Variants in PLXDC2 observed in about 807,000 individuals in gnomAD.
PLXDC2 encodes plexin domain containing 2, also known as plexin domain-containing protein 2.
A neutral mutation model predicts 68.9 loss-of-function variants in PLXDC2; 40 were observed. The ratio of observed to expected loss-of-function variants is 0.58; its 90% confidence interval spans 0.45 to 0.76. PLXDC2 has a LOEUF of 0.76. Among genes scored for constraint, PLXDC2 ranks in the 30% least tolerant of loss-of-function variants. The probability of loss-of-function intolerance (pLI) is 0.00; values close to 1 mark genes in which losing one functional copy is unlikely to be tolerated. For missense variants in PLXDC2, 644 were observed against 661.9 expected, an observed-to-expected ratio of 0.97 and a Z score of 0.30; for synonymous variants, 243 against 234.2, an observed-to-expected ratio of 1.04 and a Z score of -0.34.
chr10:19,817,989 A>C (rs1194806564), intron 1 of PLXDC2, among the ~76,000 whole-genome samples: 6 of 152,030 alleles, frequency 3.9e-5, no homozygotes, highest in Non-Finnish European at 8.8e-5. Flanking sequence ...GCCGAGCGGG[A>C]GCTGCCTCCT....
intron 4 of PLXDC2, among the ~76,000 whole-genome samples, chr10:20,106,612 A>T (rs1833494359): frequency 6.6e-6 from 1 of 152,168 alleles, no homozygotes; most frequent in South Asian, 2.1e-4. Context: ...AGGACCTTTC[A>T]GTCTCTCAAA....
chr10:20,244,425 A>G (rs988628921), intron 12 of PLXDC2, among the ~76,000 whole-genome samples: 1 of 152,256 alleles, frequency 6.6e-6, no homozygotes, highest in Admixed American at 6.5e-5. Flanking sequence ...AGTTAGAGGA[A>G]ATTATATTGT....
At chr10:20,181,753 A>G (rs949990008) in intron 9 of PLXDC2, among the ~76,000 whole-genome samples, 4 of 152,076 alleles carry the variant, frequency 2.6e-5, no homozygotes, top group African/African-American at 9.7e-5. Flanking sequence ...GTGCTGGGAC[A>G]CAGATGACTC....
In PLXDC2 at chr10:20,284,062, G is replaced by A. The variant is rs1002117660; in HGVS notation, c.*4243G>A. The A allele has an allele frequency of 6.6e-6, 1 of 151,962 alleles. No individual in the cohort carries two copies. Among genetic ancestry groups the A allele is most frequent in the Non-Finnish European group, 1.5e-5 (1 of 68,022 alleles). The allele number at this position is 151,962 out of a possible 1,614,324, so 9.4% of individuals were successfully genotyped here. A position where few individuals can be genotyped will look rare whatever the true frequency, so the allele number is the denominator to read the frequency against. On this transcript the variant is annotated 3_prime_UTR_variant, in exon 14 of 14. Coordinates refer to ENST00000377252, the MANE Select transcript of PLXDC2 (RefSeq NM_032812.9). ...AAGGTTTTGCCAGGATCCACAGATC[G>A]CTTCAAGATGCTTTCGTTTATGATA...
intron 12 of PLXDC2, among the ~76,000 whole-genome samples, chr10:20,221,745 A>G (rs1835214829): frequency 6.6e-6 from 1 of 152,236 alleles, no homozygotes; most frequent in South Asian, 2.1e-4. Context: ...ACTCCAATTT[A>G]ATAAACATTT....
intron 6 of PLXDC2, among the ~76,000 whole-genome samples, chr10:20,150,785 G>A (rs1303176614): frequency 1.3e-5 from 2 of 152,020 alleles, no homozygotes; most frequent in African/African-American, 2.4e-5. Context: ...CTTTCTTTAC[G>A]CTGTTCTCAA....
intron 9 of PLXDC2, among the ~76,000 whole-genome samples, chr10:20,201,599 T>C (rs1834918911): frequency 6.6e-6 from 1 of 152,014 alleles, no homozygotes; most frequent in Non-Finnish European, 1.5e-5. Context: ...ATACTATATA[T>C]TTTCAAATAG....
At chr10:20,120,597 C>A (rs2461934) in intron 4 of PLXDC2, among the ~76,000 whole-genome samples, 126,605 of 148,062 alleles carry the variant, frequency 0.86, 54,221 homozygotes, top group East Asian at 0.9. Flanking sequence ...GTAGGAAAGG[C>A]CTCTACCTAT....
intron 1 of PLXDC2, among the ~76,000 whole-genome samples, chr10:19,961,069 A>T (rs1834147534): frequency 6.6e-6 from 1 of 152,228 alleles, no homozygotes; most frequent in Non-Finnish European, 1.5e-5. Context: ...TGTTGTTAGC[A>T]GGATGCTTCC....
chr10:19,934,467 T>C (rs951537414), intron 1 of PLXDC2, among the ~76,000 whole-genome samples: 1 of 152,206 alleles, frequency 6.6e-6, no homozygotes, highest in African/African-American at 2.4e-5. Flanking sequence ...ATAAGGTTGA[T>C]AGTTTCAGAC....
chr10:20,115,741 A>C (rs1833613013), intron 4 of PLXDC2, among the ~76,000 whole-genome samples: 1 of 152,330 alleles, frequency 6.6e-6, no homozygotes, highest in Admixed American at 6.5e-5. Flanking sequence ...TATTTAAATA[A>C]TTTTAAAAAG....
chr10:20,278,827 C>A (rs1202702776), intron 13 of PLXDC2, among the ~76,000 whole-genome samples: 1 of 152,050 alleles, frequency 6.6e-6, no homozygotes, highest in Non-Finnish European at 1.5e-5. Flanking sequence ...CTTATTTAGC[C>A]CAAAATTGCA....
chr10:19,835,190 C>T lies in PLXDC2; in HGVS notation c.112+17999C>T, dbSNP rs116945226. ...TCTCCCATGAAGTTGACAGTTGGCC[C>T]AAAGTGCTGAAATTTCAGACTTGAG... On this transcript the variant is annotated intron_variant, in intron 1 of 13. Coordinates refer to ENST00000377252, the MANE Select transcript of PLXDC2 (RefSeq NM_032812.9). Among the ~76,000 whole-genome samples the T allele has an allele frequency of 2.9e-3, 446 of 152,228 alleles. 10 individuals are homozygous for T. The East Asian group carries it at 0.057, about 20-fold the overall frequency.
At chr10:20,134,058 C>T (rs1833902688) in intron 4 of PLXDC2, among the ~76,000 whole-genome samples, 1 of 152,136 alleles carries the variant, frequency 6.6e-6, no homozygotes, top group Non-Finnish European at 1.5e-5. Flanking sequence ...CTGTTTGGTT[C>T]TTTTTTTCAT....
intron 4 of PLXDC2, among the ~76,000 whole-genome samples, chr10:20,105,147 G>C (rs1312627857): frequency 1.3e-5 from 2 of 151,768 alleles, no homozygotes; most frequent in African/African-American, 2.4e-5. Context: ...TAAGGAACAA[G>C]GTGATGCTTA....
chr10:20,017,327 G>A (rs1225920772), intron 2 of PLXDC2, among the ~76,000 whole-genome samples: 2 of 152,092 alleles, frequency 1.3e-5, no homozygotes, highest in African/African-American at 4.8e-5. Flanking sequence ...CCCTTCCAGG[G>A]TTGTGCACCC....
intron 1 of PLXDC2, among the ~76,000 whole-genome samples, chr10:19,885,808 T>G (rs946579782): frequency 8.5e-5 from 13 of 152,302 alleles, no homozygotes; most frequent in African/African-American, 3.1e-4. Context: ...GCTTTGTTCT[T>G]TTGGCTTAGG....
rs1159603593 is a variant in PLXDC2, at chr10:20,285,756, C to G, written c.*5937C>G. 6.6e-6 allele frequency: 1 copy of G among 152,090 alleles called. No individual in the cohort carries two copies. Among genetic ancestry groups the G allele is most frequent in the African/African-American group, 2.4e-5 (1 of 41,406 alleles). 9.4% of individuals were successfully genotyped at this position (152,090 alleles called of 1,614,324 possible). A position where few individuals can be genotyped will look rare whatever the true frequency, so the allele number is the denominator to read the frequency against. ...GAGGTATTCAGAAACACCAGTGTATCAAAAAAGCATTTGCACTTTAGGTGT... is the reference window on the plus strand; with the variant it reads ...GAGGTATTCAGAAACACCAGTGTATGAAAAAAGCATTTGCACTTTAGGTGT... On this transcript the variant is annotated 3_prime_UTR_variant, in exon 14 of 14. Coordinates refer to ENST00000377252, the MANE Select transcript of PLXDC2 (RefSeq NM_032812.9).
intron 4 of PLXDC2, among the ~76,000 whole-genome samples, chr10:20,125,462 T>C (rs756415411): frequency 6.6e-6 from 1 of 152,168 alleles, no homozygotes; most frequent in African/African-American, 2.4e-5. Context: ...AGAGATTGTA[T>C]ACCATCACCT....
Sources: gnomAD v4.1 joint callset for allele counts (sites outside exome capture counted in the v4.1 genomes callset) on GRCh38, gnomAD v4.1.1 for gene constraint, MANE v1.5 for transcripts, NCBI Gene and HGNC (gene_info 2026-07-23, HGNC 2026-07-21) for gene names.